The following PCP4 variants were observed in gnomAD, a reference collection of about 807,000 sequenced individuals.
PCP4 encodes the protein calmodulin regulator protein PCP4.
In PCP4, 8 loss-of-function variants were observed where a neutral mutation model predicts 10.0. The observed-to-expected ratio is 0.80, with a 90% CI of 0.47 to 1.45. The LOEUF is 1.45. Among genes scored for constraint, PCP4 ranks in the 40% most tolerant of loss-of-function variants. The pLI is 0.00. For missense variants in PCP4, 54 were observed against 74.4 expected (o/e 0.73, Z 1.01); for synonymous variants, 21 against 23.0 (o/e 0.91, Z 0.24).
chr21:39,916,765 C>T (rs560982585), intron 2 of PCP4, among the ~76,000 whole-genome samples: 2 of 152,210 alleles, frequency 1.3e-5, no homozygotes, highest in East Asian at 3.9e-4. Context: ...CTATGCAGCT[C>T]TAAAAAAGGA....
chr21:39,918,527 T>A (rs1440795595), intron 2 of PCP4, among the ~76,000 whole-genome samples: 1 of 152,192 alleles, frequency 6.6e-6, no homozygotes, highest in African/African-American at 2.4e-5. Flanking sequence ...AAAAGAGAAT[T>A]GTTCGCTCTT....
intron 1 of PCP4, among the ~76,000 whole-genome samples, chr21:39,892,859 AAAAG>A (rs1188425511): frequency 1.3e-5 from 2 of 152,198 alleles, no homozygotes; most frequent in African/African-American, 4.8e-5. Context: ...TCAGCCGTAA[AAAAG>A]AATGAGATCT....
At chr21:39,918,771 C>A (rs1362708407) in intron 2 of PCP4, among the ~76,000 whole-genome samples, 1 of 152,126 alleles carries the variant, frequency 6.6e-6, no homozygotes, top group Admixed American at 6.5e-5. Context: ...CAGGCAGGAA[C>A]GAGAAGTGGC....
chr21:39,872,162 C>T (rs1160621361), intron 1 of PCP4, among the ~76,000 whole-genome samples: 1 of 152,130 alleles, frequency 6.6e-6, no homozygotes, highest in African/African-American at 2.4e-5. Flanking sequence ...CCACGCCCAG[C>T]TAATTTTTGT....
At chr21:39,875,761 A>G (rs530699097) in intron 1 of PCP4, among the ~76,000 whole-genome samples, 2 of 152,356 alleles carry the variant, frequency 1.3e-5, no homozygotes, top group African/African-American at 4.8e-5. Context: ...GTACCTTAAT[A>G]GGGAAAAAAT....
At chr21:39,896,346 T>C (rs1043431484) in intron 1 of PCP4, among the ~76,000 whole-genome samples, 1 of 152,228 alleles carries the variant, frequency 6.6e-6, no homozygotes, top group Non-Finnish European at 1.5e-5. Flanking sequence ...AGATACTGGA[T>C]TTGAATGCCA....
At chr21:39,882,751 A>T (rs966605630) in intron 1 of PCP4, among the ~76,000 whole-genome samples, 2 of 152,150 alleles carry the variant, frequency 1.3e-5, no homozygotes, top group African/African-American at 4.8e-5. Flanking sequence ...TTACCCTTAA[A>T]TGGGTGAGTT....
chr21:39,877,083 C>T (rs1291274241), intron 1 of PCP4, among the ~76,000 whole-genome samples: 1 of 152,232 alleles, frequency 6.6e-6, no homozygotes, highest in African/African-American at 2.4e-5. Context: ...ACCTAAGTTT[C>T]CTTTCCACAT....
Position 39,889,472 on chromosome 21 carries a change from C to T in PCP4, c.10-9004C>T, listed in dbSNP as rs541339175. Among the ~76,000 whole-genome samples the T allele has an allele frequency of 2.8e-5, 4 of 141,804 alleles. 1 individual carries two copies. The highest frequency in any genetic ancestry group is 4.6e-4 in the South Asian group (2 of 4,384). The allele number at this position is 141,804 out of a possible 152,430, so 93.0% of individuals were successfully genotyped here. A position where few individuals can be genotyped will look rare whatever the true frequency, so the allele number is the denominator to read the frequency against. ...TGCTCTGTCACCCAGGCTGCAGTAC[C>T]GTGGCACGATCTCGGCTCACTGCAA... On this transcript the variant is annotated intron_variant, in intron 1 of 2. Transcript: ENST00000328619.
chr21:39,904,053 T>C (rs546941636), intron 2 of PCP4, among the ~76,000 whole-genome samples: 15 of 152,174 alleles, frequency 9.9e-5, no homozygotes, highest in African/African-American at 3.6e-4. Flanking sequence ...CACACACACA[T>C]GTACACACAC....
At chr21:39,893,827 G>A (rs1055692051) in intron 1 of PCP4, among the ~76,000 whole-genome samples, 34 of 152,184 alleles carry the variant, frequency 2.2e-4, no homozygotes, top group African/African-American at 8.0e-4. Context: ...CTTTTGTGGA[G>A]GTCTCTGGAG....
At chr21:39,928,317 A>C (rs1378383566) in intron 2 of PCP4, among the ~76,000 whole-genome samples, 1 of 152,220 alleles carries the variant, frequency 6.6e-6, no homozygotes, top group Non-Finnish European at 1.5e-5. Context: ...TACAGCACAG[A>C]GGCCCAAGCC....
At chr21:39,910,157 T>C (rs1379907159) in intron 2 of PCP4, among the ~76,000 whole-genome samples, 1 of 152,200 alleles carries the variant, frequency 6.6e-6, no homozygotes, top group African/African-American at 2.4e-5. Flanking sequence ...CTGGCGTTCA[T>C]TTAGACAGCA....
At chr21:39,881,137 G>T (rs2087373827) in intron 1 of PCP4, among the ~76,000 whole-genome samples, 1 of 152,168 alleles carries the variant, frequency 6.6e-6, no homozygotes, top group Non-Finnish European at 1.5e-5. Context: ...TGTGACAGCT[G>T]ATTTAGGACA....
chr21:39,875,838 A>G (rs2087343021), intron 1 of PCP4, among the ~76,000 whole-genome samples: 1 of 152,160 alleles, frequency 6.6e-6, no homozygotes, highest in African/African-American at 2.4e-5. Context: ...ATATGCCAAT[A>G]TAGTAAGAGT....
At chr21:39,874,999 C>A (rs1448196481) in intron 1 of PCP4, among the ~76,000 whole-genome samples, 4 of 152,120 alleles carry the variant, frequency 2.6e-5, no homozygotes, top group African/African-American at 7.2e-5. Flanking sequence ...GTAGAGTGTG[C>A]AATTTGCAAC....
intron 1 of PCP4, among the ~76,000 whole-genome samples, chr21:39,869,504 C>T (rs1347941567): frequency 1.3e-5 from 2 of 152,150 alleles, no homozygotes; most frequent in Non-Finnish European, 2.9e-5. Context: ...CACTTTTCTG[C>T]CTCCCCTTGC....
intron 1 of PCP4, among the ~76,000 whole-genome samples, chr21:39,890,944 G>A (rs181423158): frequency 6.6e-6 from 1 of 152,218 alleles, no homozygotes; most frequent in African/African-American, 2.4e-5. Flanking sequence ...TGATGTTTGG[G>A]ATGCCAGCAC....
intron 2 of PCP4, among the ~76,000 whole-genome samples, chr21:39,902,171 G>A (rs1040481624): frequency 6.6e-6 from 1 of 152,088 alleles, no homozygotes; most frequent in African/African-American, 2.4e-5. Context: ...GGACCCTTGA[G>A]TATTGAAATA....
Sources: gnomAD v4.1 joint callset for allele counts (sites outside exome capture counted in the v4.1 genomes callset) on GRCh38, gnomAD v4.1.1 for gene constraint, MANE v1.5 for transcripts, NCBI Gene and HGNC (gene_info 2026-07-23, HGNC 2026-07-21) for gene names.